RGS6: variants seen among roughly 807,000 people sequenced by gnomAD.
RGS6 encodes regulator of G protein signaling 6, also known as regulator of G-protein signaling 6.
Under a neutral mutation model 78.5 loss-of-function variants are expected in RGS6, and 30 were observed. That is an observed-to-expected ratio of 0.38 (90% confidence interval 0.29 to 0.52). The LOEUF (loss-of-function observed/expected upper bound fraction) is 0.52. Among genes scored for constraint, RGS6 ranks in the 20% least tolerant of loss-of-function variants. The probability of loss-of-function intolerance (pLI) is 0.85; values close to 1 mark genes in which losing one functional copy is unlikely to be tolerated. For missense variants in RGS6, 495 were observed against 609.7 expected (o/e 0.81, Z 1.98); for synonymous variants, 206 against 206.0 (o/e 1.00, Z 0.00).
At chr14:72,232,343 C>T (rs926320573) in intron 2 of RGS6, among the ~76,000 whole-genome samples, 3 of 152,158 alleles carry the variant, frequency 2.0e-5, no homozygotes, top group South Asian at 2.1e-4. Flanking sequence ...AAAGCAGCAA[C>T]GGGGTAGAAA....
intron 3 of RGS6, among the ~76,000 whole-genome samples, chr14:72,439,544 T>C (rs546965474): frequency 4.6e-5 from 7 of 152,306 alleles, no homozygotes; most frequent in Admixed American, 4.6e-4. Context: ...GTGTGCCAAA[T>C]AACAAAGCTT....
At chr14:72,108,641 T>C (rs1382894393) in intron 2 of RGS6, among the ~76,000 whole-genome samples, 1 of 152,036 alleles carries the variant, frequency 6.6e-6, no homozygotes, top group Non-Finnish European at 1.5e-5. Flanking sequence ...AAATTTAATT[T>C]CCCCCTTCTA....
At position 72,107,243 on chromosome 14, in the gene RGS6, C is replaced by CA. The variant is rs375088598; in HGVS notation, c.84+142378dup. ...GAAGGGGACCAATTAAAGAAAAAAACAAAAAAAAAACATGAACTACTAGGT... is the reference window on the plus strand; with the variant it reads ...GAAGGGGACCAATTAAAGAAAAAAACAAAAAAAAAAACATGAACTACTAGGT... On this transcript the variant is annotated intron_variant, in intron 2 of 17. Transcript: ENST00000553525. 7.2e-3 allele frequency among the ~76,000 whole-genome samples: 1,045 copies of CA among 145,018 alleles called. 6 individuals carry two copies. Among genetic ancestry groups the CA allele is most frequent in the African/African-American group, 0.015 (596 of 39,612 alleles).
chr14:72,400,244 A>C (rs1249240415), intron 3 of RGS6, among the ~76,000 whole-genome samples: 1 of 152,254 alleles, frequency 6.6e-6, no homozygotes, highest in Non-Finnish European at 1.5e-5. Flanking sequence ...AACATTCTTA[A>C]AGAAAAGAAT....
chr14:72,151,010 G>C (rs2096677578), intron 2 of RGS6, among the ~76,000 whole-genome samples: 1 of 152,192 alleles, frequency 6.6e-6, no homozygotes, highest in African/African-American at 2.4e-5. Context: ...TCATGGAATG[G>C]TGAGACACAT....
intron 2 of RGS6, among the ~76,000 whole-genome samples, chr14:71,987,614 T>C (rs1377366544): frequency 3.3e-5 from 5 of 152,106 alleles, no homozygotes; most frequent in African/African-American, 1.2e-4. Flanking sequence ...AGCCTTGACC[T>C]CTGGGGCTTG....
chr14:72,127,937 AT>A (rs11306703), intron 2 of RGS6, among the ~76,000 whole-genome samples: 66,402 of 151,574 alleles, frequency 0.44, 15,383 homozygotes, highest in Admixed American at 0.55. Context: ...AACCTTTGAG[AT>A]TTTTTTTTCC....
chr14:72,247,831 C>G (rs2054610668), intron 2 of RGS6, among the ~76,000 whole-genome samples: 1 of 152,306 alleles, frequency 6.6e-6, no homozygotes, highest in Middle Eastern at 3.4e-3. Flanking sequence ...CTGCCTTTCA[C>G]TGTGGGATAA....
At chr14:72,073,344 A>T (rs1188858420) in intron 2 of RGS6, among the ~76,000 whole-genome samples, 3 of 152,240 alleles carry the variant, frequency 2.0e-5, no homozygotes, top group Non-Finnish European at 4.4e-5. Flanking sequence ...TTCCTGCAGC[A>T]TATTTTTGGT....
chr14:72,509,679 A>G lies in RGS6; in HGVS notation c.966-475A>G, dbSNP rs117819792. Among the ~76,000 whole-genome samples, 40 of 152,344 alleles carry G rather than the reference A, an allele frequency of 2.6e-4. 1 individual carries two copies. The East Asian group carries it at 7.7e-3, about 29-fold the overall frequency. ...TATGCTTTACTCTGGATGTGTCAAT[A>G]CATTTCTGACCAGTTGTACATCACT... On this transcript the variant is annotated intron_variant, in intron 13 of 17. Transcript: ENST00000553525.
chr14:72,616,206 C>T, the RGS6 span, among the ~76,000 whole-genome samples: 2 of 152,150 alleles, frequency 1.3e-5, no homozygotes, highest in Non-Finnish European at 2.9e-5. Flanking sequence ...AAGTCATTGG[C>T]CCAAGGTCAG....
At chr14:72,195,124 C>G (rs888422308) in intron 2 of RGS6, among the ~76,000 whole-genome samples, 1 of 152,056 alleles carries the variant, frequency 6.6e-6, no homozygotes, top group Non-Finnish European at 1.5e-5. Flanking sequence ...AGGAAAATCG[C>G]TTGAGCCCAG....
At chr14:72,143,153 A>C (rs1164249579) in intron 2 of RGS6, among the ~76,000 whole-genome samples, 1 of 152,150 alleles carries the variant, frequency 6.6e-6, no homozygotes, top group African/African-American at 2.4e-5. Flanking sequence ...GGATCACTTG[A>C]TGTTAGGTGT....
At chr14:72,345,453 C>T (rs1289143653) in intron 2 of RGS6, among the ~76,000 whole-genome samples, 3 of 152,140 alleles carry the variant, frequency 2.0e-5, no homozygotes, top group Non-Finnish European at 2.9e-5. Context: ...TCATAGTTAG[C>T]GGGTGGAATC....
At chr14:72,451,861 C>T (rs1048941899) in intron 3 of RGS6, among the ~76,000 whole-genome samples, 15 of 152,066 alleles carry the variant, frequency 9.9e-5, no homozygotes, top group African/African-American at 3.4e-4. Flanking sequence ...CAAGCAATTC[C>T]CCTGCCTGAG....
intron 2 of RGS6, among the ~76,000 whole-genome samples, chr14:72,082,225 T>C (rs571132826): frequency 1.3e-5 from 2 of 152,286 alleles, no homozygotes; most frequent in South Asian, 4.1e-4. Context: ...ATTGCATCTT[T>C]AGATCCCTTT....
intron 2 of RGS6, among the ~76,000 whole-genome samples, chr14:72,177,425 G>A (rs931099482): frequency 6.6e-6 from 1 of 152,146 alleles, no homozygotes; most frequent in African/African-American, 2.4e-5. Context: ...CAGAAAGGCA[G>A]GATGCTGGAG....
At chr14:72,154,391 G>A (rs536024658) in intron 2 of RGS6, among the ~76,000 whole-genome samples, 68 of 150,734 alleles carry the variant, frequency 4.5e-4, no homozygotes, top group Middle Eastern at 3.4e-3. Context: ...AGAGATTAAA[G>A]TAAAGACAGG....
intron 2 of RGS6, among the ~76,000 whole-genome samples, chr14:72,218,392 A>G (rs113661746): frequency 0.01 from 1,559 of 152,148 alleles, 13 homozygotes; most frequent in South Asian, 0.025. Context: ...TGTTGTATCA[A>G]TATATTAATA....
Sources: gnomAD v4.1 joint callset for allele counts (sites outside exome capture counted in the v4.1 genomes callset) on GRCh38, gnomAD v4.1.1 for gene constraint, MANE v1.5 for transcripts, NCBI Gene and HGNC (gene_info 2026-07-23, HGNC 2026-07-21) for gene names.